MLIP: variants seen among roughly 807,000 people sequenced by gnomAD.
MLIP encodes muscular LMNA interacting protein.
A neutral mutation model predicts 84.8 loss-of-function variants in MLIP; 79 were observed. That is an observed-to-expected ratio of 0.93 (90% CI 0.78 to 1.12). The LOEUF (loss-of-function observed/expected upper bound fraction) is 1.12. Ranked by LOEUF, MLIP falls within the 50% of genes most tolerant of loss-of-function variation. The pLI is 0.00. For synonymous variants in MLIP, 504 were observed against 463.0 expected (o/e 1.09, Z -1.14); for missense variants, 1,257 against 1,160.6 (o/e 1.08, Z -1.21).
chr6:54,024,007 T>G (rs1365012970), intron 1 of MLIP, among the ~76,000 whole-genome samples: 1 of 152,172 alleles, frequency 6.6e-6, no homozygotes, highest in Non-Finnish European at 1.5e-5. Context: ...TAAATAAGGT[T>G]AATTAAATTA....
chr6:54,103,600 C>A (rs1259184311), intron 1 of MLIP, among the ~76,000 whole-genome samples: 3 of 152,180 alleles, frequency 2.0e-5, no homozygotes, highest in Non-Finnish European at 4.4e-5. Context: ...TCCTGTGTTC[C>A]TCTCTATGTA....
At chr6:54,113,198 G>A (rs931965799) in intron 1 of MLIP, among the ~76,000 whole-genome samples, 1 of 152,100 alleles carries the variant, frequency 6.6e-6, no homozygotes, top group East Asian at 1.9e-4. Context: ...AAAGATAAGG[G>A]AAGGCCTAGT....
At chr6:54,030,433 G>C (rs1021569421) in intron 1 of MLIP, among the ~76,000 whole-genome samples, 1 of 152,132 alleles carries the variant, frequency 6.6e-6, no homozygotes, top group Admixed American at 6.6e-5. Flanking sequence ...ACATTTGTAG[G>C]AGGTAAAGAA....
chr6:54,217,070 A>C (rs1168968920), intron 11 of MLIP: 2 of 985,358 alleles, frequency 2.0e-6, no homozygotes, highest in Non-Finnish European at 2.4e-6. Context: ...GCATTTAAAA[A>C]TAAATGTTGC....
chr6:54,207,997 G>A (rs1386361515), intron 11 of MLIP, among the ~76,000 whole-genome samples: 6 of 151,846 alleles, frequency 4.0e-5, no homozygotes, highest in Admixed American at 2.0e-4. Flanking sequence ...GTGTGGTGGC[G>A]GGTGCCTGTG....
intron 13 of MLIP, 51 bp downstream of exon 13, chr6:54,257,412 T>C (rs983704638): frequency 1.5e-6 from 2 of 1,355,628 alleles, no homozygotes; most frequent in African/African-American, 2.9e-5. Context: ...TGTGTGATTA[T>C]AGAAATAAAC....
At chr6:54,141,823 A>C (rs951976434) in intron 4 of MLIP, among the ~76,000 whole-genome samples, 2 of 152,292 alleles carry the variant, frequency 1.3e-5, no homozygotes, top group Non-Finnish European at 2.9e-5. Flanking sequence ...TCTGCCACTT[A>C]CCGAAGACAG....
At chr6:54,072,937 T>G (rs1582076659) in intron 1 of MLIP, among the ~76,000 whole-genome samples, 1 of 152,218 alleles carries the variant, frequency 6.6e-6, no homozygotes, top group South Asian at 2.1e-4. Flanking sequence ...CAGGGACTGT[T>G]GTTGACTTTG....
chr6:54,020,663 T>G lies in MLIP; in HGVS notation c.63+1572T>G, dbSNP rs180814488. ...ATTTCACTTTCTGGAAAGTCAGACA[T>G]TGTGCATGCCTGACTCTATCTTGAA... is the stretch of plus-strand genomic sequence containing the variant. On this transcript the variant is annotated intron_variant, in intron 1 of 12. Coordinates refer to the MLIP transcript ENST00000274897. Among the ~76,000 whole-genome samples the G allele has an allele frequency of 1.9e-3, 292 of 152,316 alleles. 3 individuals carry two copies. Among genetic ancestry groups the G allele is most frequent in the South Asian group, 6.2e-3 (30 of 4,826 alleles).
intron 10 of MLIP, among the ~76,000 whole-genome samples, chr6:54,201,832 G>A (rs138497467): frequency 4.5e-4 from 69 of 152,266 alleles, no homozygotes; most frequent in Non-Finnish European, 6.8e-4. Context: ...TTGACCAAAT[G>A]CACCAGCAAG....
chr6:54,162,036 G>A (rs929282858), intron 8 of MLIP, among the ~76,000 whole-genome samples: 3 of 151,722 alleles, frequency 2.0e-5, no homozygotes, highest in Non-Finnish European at 4.4e-5. Context: ...TAAGGCTTAC[G>A]GTGTTAAAAA....
At chr6:54,087,556 G>GT (rs551004849) in intron 1 of MLIP, among the ~76,000 whole-genome samples, 58 of 152,260 alleles carry the variant, frequency 3.8e-4, no homozygotes, top group South Asian at 3.5e-3. Context: ...CACATTTCCA[G>GT]TAAGTCAGGC....
intron 1 of MLIP, among the ~76,000 whole-genome samples, chr6:54,091,291 T>C (rs946507448): frequency 6.6e-6 from 1 of 152,192 alleles, no homozygotes; most frequent in African/African-American, 2.4e-5. Context: ...TGAGAGCACC[T>C]TCCATTCATA....
chr6:54,217,656 T>C, intron 11 of MLIP: 1 of 982,268 alleles, frequency 1.0e-6, no homozygotes, highest in African/African-American at 1.7e-5. Flanking sequence ...CAGTAAAGCC[T>C]TTTTTTGAAA....
intron 1 of MLIP, among the ~76,000 whole-genome samples, chr6:54,062,039 T>C (rs116141335): frequency 5.3e-4 from 81 of 152,352 alleles, no homozygotes; most frequent in Non-Finnish European, 9.4e-4. Flanking sequence ...TCTGAAATCA[T>C]TTCCTGCTGA....
At chr6:54,107,294 A>G (rs1471671574), upstream of MLIP, among the ~76,000 whole-genome samples, 1 of 152,254 alleles carries the variant, frequency 6.6e-6, no homozygotes, top group Non-Finnish European at 1.5e-5. Context: ...CTTATAAGTT[A>G]TAGCGGTATA....
At position 54,152,174 on chromosome 6, in the gene MLIP, C is replaced by T. The variant is rs192541545; in HGVS notation, c.2289+3047C>T. On this transcript the variant is annotated intron_variant, in intron 5 of 13. Transcript: ENST00000502396. ...TCATCAGGGTCCTTGGCTTAACCTC[C>T]TGCCAATAATCATCTTCTCCAAGAA... Among the ~76,000 whole-genome samples, 984 of 152,158 alleles carry T rather than the reference C, an allele frequency of 6.5e-3. 8 individuals carry two copies. The highest frequency in any genetic ancestry group is 0.01 in the Non-Finnish European group (697 of 67,990).
At chr6:54,192,865 G>A (rs1162126531) in intron 10 of MLIP, among the ~76,000 whole-genome samples, 1 of 152,076 alleles carries the variant, frequency 6.6e-6, no homozygotes, top group Non-Finnish European at 1.5e-5. Context: ...TATTTTAGGA[G>A]GTAAATGTAG....
chr6:54,184,689 AT>A (rs1263918172), intron 9 of MLIP, among the ~76,000 whole-genome samples: 1 of 151,890 alleles, frequency 6.6e-6, no homozygotes, highest in Non-Finnish European at 1.5e-5. Flanking sequence ...TATTTAATTT[AT>A]TTTTTTGAAA....
Sources: allele counts gnomAD v4.1 joint callset (sites outside exome capture counted in the v4.1 genomes callset), GRCh38; gene constraint gnomAD v4.1.1; transcripts MANE v1.5; gene names NCBI Gene and HGNC (gene_info 2026-07-23, HGNC 2026-07-21).